GABRR1: variants seen among roughly 807,000 people sequenced by gnomAD.
GABRR1 encodes the protein gamma-aminobutyric acid receptor subunit rho-1.
Under a neutral mutation model 55.5 loss-of-function variants are expected in GABRR1, and 59 were observed. The observed-to-expected ratio is 1.06, with a 90% confidence interval of 0.86 to 1.32. The LOEUF is 1.32. GABRR1 is among the 40% of genes most tolerant of loss of function. The pLI is 0.00. For synonymous variants in GABRR1, 213 were observed against 226.0 expected, an observed-to-expected ratio of 0.94 and a Z score of 0.51; for missense variants, 602 against 619.1, an observed-to-expected ratio of 0.97 and a Z score of 0.29.
chr6:89,216,424 T>G (rs1311144004), intron 1 of GABRR1, among the ~76,000 whole-genome samples: 10 of 152,216 alleles, frequency 6.6e-5, no homozygotes, highest in Non-Finnish European at 2.9e-5. Context: ...CATTTCCTCA[T>G]CAGTACAGAG....
In GABRR1 at chr6:89,178,990, T is replaced by C. The variant is rs780193466; in HGVS notation, c.1220A>G (p.Asn407Ser). ...LDGNYSDGEVNDLDNYMPENG... is the reference protein window; with the variant it reads ...LDGNYSDGEVSDLDNYMPENG... ...CTCTGGCATGTAGTTGTCCAGGTCATTCACCTCCCCATCACTGTAGTTGCC... is the reference window on the plus strand; with the variant it reads ...CTCTGGCATGTAGTTGTCCAGGTCACTCACCTCCCCATCACTGTAGTTGCC... Residue 407 changes from asparagine to serine, a missense_variant, in exon 10 of 10, where the codon AAT becomes AGT. Coordinates refer to ENST00000454853, the MANE Select transcript of GABRR1 (RefSeq NM_002042.5). 4 of 1,614,190 alleles carry C rather than the reference T, an allele frequency of 2.5e-6. No homozygotes were observed. The highest frequency in any genetic ancestry group is 2.2e-5 in the South Asian group (2 of 91,082).
chr6:89,178,836 G>C lies in GABRR1; in HGVS notation c.1374C>G (p.Tyr458Ter). 6.2e-7 allele frequency: 1 copy of C among 1,614,144 alleles called. No homozygotes were observed. Among genetic ancestry groups the C allele is most frequent in the Non-Finnish European group, 8.5e-7 (1 of 1,179,948 alleles). Reference protein sequence around the residue: ...MRIDTHAIDKYSRIIFPAAYI... With the variant: ...MRIDTHAIDK The stretch of plus-strand genomic sequence containing the variant: ...ATGCTGCTGGAAAGATGATCCTGGA[G>C]TATTTATCAATGGCGTGGGTGTCGA... Residue 458 changes from tyrosine (Y) to a stop codon, truncating the protein, a stop_gained, in exon 10 of 10, where the codon TAC becomes TAG. Coordinates refer to ENST00000454853, the MANE Select transcript of GABRR1 (RefSeq NM_002042.5). LOFTEE classifies it high-confidence loss of function.
chr6:89,180,135 T>G (rs1019509104), intron 9 of GABRR1, among the ~76,000 whole-genome samples, 157 bp downstream of exon 9: 3 of 152,086 alleles, frequency 2.0e-5, no homozygotes, highest in Non-Finnish European at 4.4e-5. Context: ...TGACTTGAAA[T>G]ACACCAATTT....
intron 6 of GABRR1, among the ~76,000 whole-genome samples, chr6:89,189,315 G>A (rs565414577): frequency 1.3e-5 from 2 of 149,644 alleles, no homozygotes; most frequent in African/African-American, 4.9e-5. Flanking sequence ...TATACACCAT[G>A]GAATACTATG....
At position 89,178,739 on chromosome 6, in the gene GABRR1, G is replaced by A. The variant is rs758067902; in HGVS notation, c.*31C>T. 2 of 1,568,728 alleles carry A rather than the reference G, an allele frequency of 1.3e-6. No individual in the cohort carries two copies. The highest frequency in any genetic ancestry group is 1.8e-6 in the Non-Finnish European group (2 of 1,139,764). ...CAGTTATTTCTGTAGTGCATGCCATGGAAATGTGAAATTTGTAGAATTACA... is the reference window on the plus strand; with the variant it reads ...CAGTTATTTCTGTAGTGCATGCCATAGAAATGTGAAATTTGTAGAATTACA... On this transcript the variant is annotated 3_prime_UTR_variant, in exon 10 of 10. Transcript: ENST00000454853.
chr6:89,200,044 C>A (rs909689393), intron 3 of GABRR1, among the ~76,000 whole-genome samples: 2 of 152,040 alleles, frequency 1.3e-5, no homozygotes, highest in Admixed American at 6.5e-5. Flanking sequence ...TTCCTGCCCC[C>A]CTTCTTCCCT....
At position 89,212,621 on chromosome 6, in the gene GABRR1, G is replaced by A. The variant is rs1424978365; in HGVS notation, c.122+4580C>T. ...ACAAGTTATGTTTCCATTCTTCCAG[G>A]GAAGAGAGGAGGAGAGGACCGGCAG... is the stretch of plus-strand genomic sequence containing the variant. On this transcript the variant is annotated intron_variant, in intron 1 of 9. Transcript: ENST00000454853. Among the ~76,000 whole-genome samples the A allele has an allele frequency of 3.3e-5, 5 of 151,918 alleles. No individual in the cohort carries two copies. The East Asian group carries it at 5.8e-4, about 18-fold the overall frequency.
intron 6 of GABRR1, among the ~76,000 whole-genome samples, chr6:89,187,208 G>GGGTGTGTGT (rs1562287316): frequency 6.9e-6 from 1 of 145,978 alleles, no homozygotes; most frequent in African/African-American, 2.7e-5. Flanking sequence ...GTTTCTGGGG[G>GGGTGTGTGT]GTGTGTGTGT....
chr6:89,198,903 G>A (rs1424772048), intron 4 of GABRR1, among the ~76,000 whole-genome samples: 3 of 151,852 alleles, frequency 2.0e-5, no homozygotes, highest in South Asian at 4.2e-4. Context: ...ACTAAGGTAG[G>A]TCCCTAAAAT....
At chr6:89,223,201 T>C (rs9359846) in intron 1 of GABRR1, among the ~76,000 whole-genome samples, 39,149 of 152,088 alleles carry the variant, frequency 0.26, 5,363 homozygotes, top group Admixed American at 0.34. Context: ...CCTCACCTCC[T>C]TCCCACCCTT....
At chr6:89,220,863 C>T (rs1036192876), upstream of GABRR1, among the ~76,000 whole-genome samples, 1 of 151,952 alleles carries the variant, frequency 6.6e-6, no homozygotes, top group Non-Finnish European at 1.5e-5. Context: ...TGGGATTACA[C>T]GCATTCGCCA....
intron 1 of GABRR1, among the ~76,000 whole-genome samples, chr6:89,205,198 A>C (rs976056942): frequency 9.9e-5 from 15 of 152,198 alleles, no homozygotes; most frequent in African/African-American, 3.6e-4. Context: ...TAACTTGTAA[A>C]AGTGAAGGAG....
chr6:89,207,194 TA>T (rs941974328), intron 1 of GABRR1, among the ~76,000 whole-genome samples: 100 of 152,208 alleles, frequency 6.6e-4, no homozygotes, highest in African/African-American at 2.3e-3. Flanking sequence ...AATTTTTTTT[TA>T]ATGTTAATTT....
upstream of GABRR1, among the ~76,000 whole-genome samples, chr6:89,219,062 T>TA (rs1389628668): frequency 6.6e-6 from 1 of 152,134 alleles, no homozygotes; most frequent in Non-Finnish European, 1.5e-5. Context: ...GGTCAGGAGT[T>TA]AGAGACCAGC....
intron 5 of GABRR1, among the ~76,000 whole-genome samples, chr6:89,191,918 T>TGGGC (rs1270115813): frequency 6.6e-6 from 1 of 152,046 alleles, no homozygotes; most frequent in Non-Finnish European, 1.5e-5. Context: ...GGCATGCACC[T>TGGGC]GTAGTCCCAG....
At chr6:89,183,863 G>T (rs1271345182) in intron 7 of GABRR1, among the ~76,000 whole-genome samples, 2 of 152,178 alleles carry the variant, frequency 1.3e-5, no homozygotes, top group African/African-American at 2.4e-5. Context: ...AGACTCGGAA[G>T]TGGAGAAGGT....
chr6:89,203,453 T>A lies in GABRR1; in HGVS notation c.155A>T (p.Asp52Val). Residue 52 changes from aspartate to valine, a missense_variant, in exon 2 of 10, where the codon GAT (aspartate) becomes GTT (valine). Transcript: ENST00000454853. The stretch of plus-strand genomic sequence containing the variant: ...GCCATACCTGACTTGCTTGTGGGCA[T>A]CTTCATGTACTTCTCGTCTTTGTCT... ...PQRQRREVHEDAHKQVSPILR... is the reference protein window; with the variant it reads ...PQRQRREVHEVAHKQVSPILR... 2 of 1,613,528 alleles carry A rather than the reference T, an allele frequency of 1.2e-6. No homozygotes were observed. Among genetic ancestry groups the A allele is most frequent in the South Asian group, 2.2e-5 (2 of 91,070 alleles).
At chr6:89,187,805 G>GT (rs1267432693) in intron 6 of GABRR1, among the ~76,000 whole-genome samples, 2 of 152,122 alleles carry the variant, frequency 1.3e-5, no homozygotes, top group East Asian at 3.9e-4. Flanking sequence ...GGAAATCCTT[G>GT]TTTTTTAAGG....
chr6:89,193,179 T>C (rs1772155883), intron 5 of GABRR1, among the ~76,000 whole-genome samples: 1 of 152,218 alleles, frequency 6.6e-6, no homozygotes, highest in Non-Finnish European at 1.5e-5. Context: ...GAGCTTGATC[T>C]AGAATCTGGC....
Sources: gnomAD v4.1 joint callset for allele counts (sites outside exome capture counted in the v4.1 genomes callset) on GRCh38, gnomAD v4.1.1 for gene constraint, MANE v1.5 for transcripts, NCBI Gene and HGNC (gene_info 2026-07-23, HGNC 2026-07-21) for gene names.